The following TAFA2 variants were observed in gnomAD, a reference collection of about 807,000 sequenced individuals.
TAFA2 encodes TAFA chemokine like family member 2, also known as chemokine-like protein TAFA-2.
A neutral mutation model predicts 18.8 loss-of-function variants in TAFA2; 7 were observed. That is an observed-to-expected ratio of 0.37 (90% confidence interval 0.21 to 0.70). TAFA2 has a LOEUF of 0.70. Ranked by LOEUF, TAFA2 falls within the 30% of genes least tolerant of loss-of-function variation. The pLI is 0.53. For synonymous variants in TAFA2, 60 were observed against 54.2 expected, an observed-to-expected ratio of 1.11 and a Z score of -0.47; for missense variants, 122 against 158.1, an observed-to-expected ratio of 0.77 and a Z score of 1.23.
At position 61,943,746 on chromosome 12, in the gene TAFA2, G is replaced by A. The variant is rs1209911449; in HGVS notation, c.-1-76320C>T. Among the ~76,000 whole-genome samples the A allele has an allele frequency of 1.1e-4, 16 of 147,818 alleles. No individual in the cohort carries two copies. In the South Asian group the frequency reaches 1.1e-3, roughly 10 times the overall value. The stretch of plus-strand genomic sequence containing the variant: ...TGGTAAAGGGATCAATTCAACAAGA[G>A]GAGCTAACTATCCTAAATATATATG... On this transcript the variant is annotated intron_variant, in intron 1 of 4. Transcript: ENST00000416284.
intron 1 of TAFA2, among the ~76,000 whole-genome samples, chr12:62,212,436 C>G (rs1042200769): frequency 1.3e-5 from 2 of 152,170 alleles, no homozygotes; most frequent in Non-Finnish European, 2.9e-5. Context: ...TCTTTATGAT[C>G]ATGATTCATA....
intron 1 of TAFA2, among the ~76,000 whole-genome samples, chr12:62,098,660 T>A (rs1482535214): frequency 6.6e-6 from 1 of 152,162 alleles, no homozygotes; most frequent in Non-Finnish European, 1.5e-5. Flanking sequence ...TTAAGCTAGC[T>A]TGAGTTGGAA....
upstream of TAFA2, among the ~76,000 whole-genome samples, chr12:62,197,190 A>C (rs1317800948): frequency 6.6e-6 from 1 of 152,222 alleles, no homozygotes; most frequent in African/African-American, 2.4e-5. Flanking sequence ...GTCCATTGAA[A>C]AAAATTGTCC....
intron 1 of TAFA2, among the ~76,000 whole-genome samples, chr12:61,907,336 T>C (rs1876402432): frequency 6.6e-6 from 1 of 152,188 alleles, no homozygotes; most frequent in South Asian, 2.1e-4. Flanking sequence ...TCCCAGCTGC[T>C]TCAACTTCAG....
At chr12:62,157,288 G>T (rs2136926203) in intron 1 of TAFA2, among the ~76,000 whole-genome samples, 1 of 151,910 alleles carries the variant, frequency 6.6e-6, no homozygotes, top group African/African-American at 2.4e-5. Context: ...TTTAAAAAAA[G>T]TCAATGTAGG....
chr12:61,817,523 A>G (rs1872133492), intron 2 of TAFA2, among the ~76,000 whole-genome samples: 1 of 152,170 alleles, frequency 6.6e-6, no homozygotes, highest in Non-Finnish European at 1.5e-5. Flanking sequence ...ATCAATTCCT[A>G]GACAAGAATT....
At chr12:61,865,510 A>G (rs1874315644) in intron 2 of TAFA2, among the ~76,000 whole-genome samples, 1 of 152,198 alleles carries the variant, frequency 6.6e-6, no homozygotes, top group African/African-American at 2.4e-5. Flanking sequence ...AGGGAAAAGC[A>G]AAACCACAAA....
At chr12:62,113,948 T>A (rs1324291070) in intron 1 of TAFA2, among the ~76,000 whole-genome samples, 1 of 152,172 alleles carries the variant, frequency 6.6e-6, no homozygotes, top group African/African-American at 2.4e-5. Context: ...TGGGATCCAC[T>A]GAGCTAGACC....
chr12:61,792,866 G>A (rs1218117158), intron 2 of TAFA2, among the ~76,000 whole-genome samples: 3 of 151,140 alleles, frequency 2.0e-5, no homozygotes, highest in African/African-American at 7.3e-5. Flanking sequence ...TTAAAAAGTA[G>A]AAAAAAATAG....
chr12:61,739,180 A>T (rs1352374152), intron 4 of TAFA2, among the ~76,000 whole-genome samples: 1 of 152,088 alleles, frequency 6.6e-6, no homozygotes, highest in Non-Finnish European at 1.5e-5. Context: ...AATACATGGC[A>T]GTTGGGATAT....
At chr12:62,197,100 G>A (rs1280561356), upstream of TAFA2, among the ~76,000 whole-genome samples, 1 of 152,204 alleles carries the variant, frequency 6.6e-6, no homozygotes, top group Non-Finnish European at 1.5e-5. Context: ...AGGGATCCAG[G>A]TTGTGCGCTC....
chr12:61,811,078 T>C (rs1432589857), intron 2 of TAFA2, among the ~76,000 whole-genome samples: 4 of 151,330 alleles, frequency 2.6e-5, no homozygotes, highest in African/African-American at 4.9e-5. Flanking sequence ...TAATGTTATA[T>C]AACTTATATC....
At chr12:61,800,175 AAT>A (rs1349634502) in intron 2 of TAFA2, among the ~76,000 whole-genome samples, 1 of 152,224 alleles carries the variant, frequency 6.6e-6, no homozygotes, top group Non-Finnish European at 1.5e-5. Flanking sequence ...AGTAATGAAT[AAT>A]ATATCCACTA....
intron 1 of TAFA2, among the ~76,000 whole-genome samples, chr12:62,181,319 G>C (rs756447863): frequency 1.3e-5 from 2 of 152,124 alleles, no homozygotes; most frequent in Non-Finnish European, 2.9e-5. Context: ...AGTTTATTAA[G>C]TACCTATTAG....
At chr12:62,026,538 G>C (rs1881316286) in intron 1 of TAFA2, among the ~76,000 whole-genome samples, 1 of 152,096 alleles carries the variant, frequency 6.6e-6, no homozygotes, top group African/African-American at 2.4e-5. Flanking sequence ...GACCTTTCAT[G>C]ATGTACACTT....
chr12:61,885,048 C>G (rs745644297), intron 1 of TAFA2, among the ~76,000 whole-genome samples: 1 of 152,020 alleles, frequency 6.6e-6, no homozygotes, highest in South Asian at 2.1e-4. Flanking sequence ...TTTTACAAAC[C>G]TCTTTCAAAT....
At chr12:61,734,820 G>C (rs1868278002) in intron 4 of TAFA2, among the ~76,000 whole-genome samples, 1 of 151,888 alleles carries the variant, frequency 6.6e-6, no homozygotes, top group African/African-American at 2.4e-5. Flanking sequence ...TAAGTGTACA[G>C]TTCAGTGGTA....
At chr12:61,929,201 A>C (rs1398581948) in intron 1 of TAFA2, among the ~76,000 whole-genome samples, 2 of 151,628 alleles carry the variant, frequency 1.3e-5, no homozygotes, top group African/African-American at 4.8e-5. Flanking sequence ...GCACAAGTGG[A>C]GGGATTGGTG....
intron 1 of TAFA2, among the ~76,000 whole-genome samples, chr12:62,114,343 G>A (rs777622965): frequency 6.6e-6 from 1 of 152,158 alleles, no homozygotes; most frequent in African/African-American, 2.4e-5. Flanking sequence ...CAGTCCCAAT[G>A]AGATGAGCTG....
Sources: gnomAD v4.1 joint callset for allele counts (sites outside exome capture counted in the v4.1 genomes callset) on GRCh38, gnomAD v4.1.1 for gene constraint, MANE v1.5 for transcripts, NCBI Gene and HGNC (gene_info 2026-07-23, HGNC 2026-07-21) for gene names.